The following SLC12A2 variants were observed in gnomAD, a reference collection of about 807,000 sequenced individuals.
SLC12A2 encodes solute carrier family 12 member 2, also known as Na-K-2Cl cotransporter 1.
A neutral mutation model predicts 136.3 loss-of-function variants in SLC12A2; 67 were observed. The ratio of observed to expected loss-of-function variants is 0.49; its 90% CI spans 0.40 to 0.60. SLC12A2 has a LOEUF of 0.60. Among genes scored for constraint, SLC12A2 ranks in the 20% least tolerant of loss-of-function variants. The pLI is 0.00. For synonymous variants in SLC12A2, 619 were observed against 562.9 expected, an observed-to-expected ratio of 1.10 and a Z score of -1.41; for missense variants, 1,322 against 1,534.7, an observed-to-expected ratio of 0.86 and a Z score of 2.32.
At position 128,187,105 on chromosome 5, in the gene SLC12A2, A is replaced by G. The variant is rs992428067; in HGVS notation, c.*474A>G. 3 of 156,934 alleles carry G rather than the reference A, an allele frequency of 1.9e-5. No individual in the cohort carries two copies. The highest frequency in any genetic ancestry group is 4.8e-5 in the African/African-American group (2 of 41,454). 9.7% of individuals were successfully genotyped at this position (156,934 alleles called of 1,614,324 possible). A position where few individuals can be genotyped will look rare whatever the true frequency, so the allele number is the denominator to read the frequency against. The stretch of plus-strand genomic sequence containing the variant: ...CACTGCTTGTCTTCTTCCATTGACC[A>G]TTTAGTGTTGAGTACTGTATGTGTT... On this transcript the variant is annotated 3_prime_UTR_variant, in exon 27 of 27. Coordinates refer to ENST00000262461, the MANE Select transcript of SLC12A2 (RefSeq NM_001046.3).
At chr5:128,105,790 A>G (rs1050109657) in intron 1 of SLC12A2, among the ~76,000 whole-genome samples, 7 of 152,136 alleles carry the variant, frequency 4.6e-5, no homozygotes, top group Non-Finnish European at 1.0e-4. Flanking sequence ...TCTATTTTCT[A>G]CATACTCAGA....
intron 10 of SLC12A2, among the ~76,000 whole-genome samples, chr5:128,144,876 A>G (rs1025014954): frequency 6.6e-6 from 1 of 152,064 alleles, no homozygotes; most frequent in African/African-American, 2.4e-5. Flanking sequence ...TTTACCATTC[A>G]TTTTATTTAC....
intron 17 of SLC12A2, among the ~76,000 whole-genome samples, chr5:128,163,151 C>T (rs1481422861): frequency 6.6e-6 from 1 of 152,118 alleles, no homozygotes; most frequent in African/African-American, 2.4e-5. Flanking sequence ...GCAAAATGTC[C>T]TGCAAATTTG....
intron 4 of SLC12A2, among the ~76,000 whole-genome samples, chr5:128,124,889 A>T (rs2126686720): frequency 6.6e-6 from 1 of 152,284 alleles, no homozygotes; most frequent in East Asian, 1.9e-4. Flanking sequence ...GTAAGGGCCC[A>T]CCAAGTCACC....
At chr5:128,120,373 G>T (rs1201046072) in intron 4 of SLC12A2, among the ~76,000 whole-genome samples, 3 of 148,680 alleles carry the variant, frequency 2.0e-5, no homozygotes, top group East Asian at 4.0e-4. Context: ...ATACCCAAAG[G>T]ACTATAAATC....
rs568487428 is a variant in SLC12A2, at chr5:128,177,059, T to C, written c.2930-46T>C. On this transcript the variant is annotated intron_variant, in intron 20 of 26. Coordinates refer to ENST00000262461, the MANE Select transcript of SLC12A2 (RefSeq NM_001046.3). The stretch of plus-strand genomic sequence containing the variant: ...GATTACATTTTTATTATTTTATTAA[T>C]ATAAAGGCAATTAACATATTTTTGT... 6.7e-6 allele frequency: 8 copies of C among 1,195,982 alleles called. No homozygotes were observed. The African/African-American group carries it at 9.5e-5, about 14-fold the overall frequency. 74.1% of individuals were successfully genotyped at this position (1,195,982 alleles called of 1,614,324 possible).
At chr5:128,171,546 A>G in intron 18 of SLC12A2, 121 bp from the exon 19 acceptor site, 1 of 666,746 alleles carries the variant, frequency 1.5e-6, no homozygotes, top group Non-Finnish European at 2.6e-6. Context: ...ATGTTTTAAA[A>G]ATCAGACGTT....
At position 128,135,820 on chromosome 5, in the gene SLC12A2, AG is replaced by A; in HGVS notation, c.1408+13del. 1 of 1,422,884 alleles carries A rather than the reference AG, an allele frequency of 7.0e-7. No homozygotes were observed. The highest frequency in any genetic ancestry group is 9.9e-7 in the Non-Finnish European group (1 of 1,011,448). 88.1% of individuals were successfully genotyped at this position (1,422,884 alleles called of 1,614,324 possible). On this transcript the variant is annotated intron_variant, in intron 7 of 26. Transcript: ENST00000262461. ...TTTTGGTTATAAATGTAAGTAAAAA[AG>A]ATTCAATATTTTTTAAGGGTACCTA...
chr5:128,084,749 G>C lies in SLC12A2; in HGVS notation c.756+39G>C. 6.6e-7 allele frequency: 1 copy of C among 1,505,218 alleles called. No individual in the cohort carries two copies. The highest frequency in any genetic ancestry group is 1.4e-5 in the African/African-American group (1 of 72,270). The allele number at this position is 1,505,218 out of a possible 1,614,324, so 93.2% of individuals were successfully genotyped here. A position where few individuals can be genotyped will look rare whatever the true frequency, so the allele number is the denominator to read the frequency against. On this transcript the variant is annotated intron_variant, in intron 1 of 26. Transcript: ENST00000262461. This position sits in a 1 kb window ranked among gnomAD's most constrained non-coding sequence, Gnocchi z 5.6. Reference sequence around the variant, plus strand: ...GCCCTCCCTTCTTCCCCAGCCCCTGGTGCATGCCGACCGCGGGATGTGGCT... The same window carrying C: ...GCCCTCCCTTCTTCCCCAGCCCCTGCTGCATGCCGACCGCGGGATGTGGCT...
At chr5:128,099,732 A>G (rs1437404115) in intron 1 of SLC12A2, among the ~76,000 whole-genome samples, 1 of 152,128 alleles carries the variant, frequency 6.6e-6, no homozygotes, top group African/African-American at 2.4e-5. Flanking sequence ...TTAAAAAGGA[A>G]GACACAAGCA....
intron 4 of SLC12A2, among the ~76,000 whole-genome samples, chr5:128,129,460 T>G (rs1761936688): frequency 6.6e-6 from 1 of 151,350 alleles, no homozygotes. Context: ...AGGCTAATGT[T>G]AAATGGTTAG....
intron 22 of SLC12A2, among the ~76,000 whole-genome samples, chr5:128,179,740 A>C (rs1012686012): frequency 2.0e-5 from 3 of 152,028 alleles, no homozygotes; most frequent in African/African-American, 7.2e-5. Context: ...ACTGACCCCC[A>C]TGATCCAAAC....
At chr5:128,088,691 T>G (rs1760195853) in intron 1 of SLC12A2, among the ~76,000 whole-genome samples, 1 of 152,230 alleles carries the variant, frequency 6.6e-6, no homozygotes, top group Non-Finnish European at 1.5e-5. Context: ...AGGAGCCTTT[T>G]GCTGGTGGTA....
intron 1 of SLC12A2, among the ~76,000 whole-genome samples, chr5:128,097,876 T>A (rs1453342527): frequency 3.3e-5 from 5 of 152,154 alleles, no homozygotes; most frequent in Non-Finnish European, 5.9e-5. Flanking sequence ...GGAGGTCAGT[T>A]GGCAACAAGT....
In SLC12A2 at chr5:128,130,428, T is replaced by C. The variant is rs1211151171; in HGVS notation, c.1049-639T>C. On this transcript the variant is annotated intron_variant, in intron 4 of 26. Transcript: ENST00000262461. ...TACTCAGGAGGCTGAGGCAGGAGAA[T>C]CACATGAACCCAGCAGGTGGAGGCT... Among the ~76,000 whole-genome samples the C allele has an allele frequency of 3.4e-5, 5 of 145,908 alleles. No individual in the cohort carries two copies. The East Asian group carries it at 1.0e-3, about 30-fold the overall frequency.
chr5:128,166,559 A>G (rs1763210829), intron 17 of SLC12A2, among the ~76,000 whole-genome samples: 2 of 152,074 alleles, frequency 1.3e-5, no homozygotes, highest in Non-Finnish European at 1.5e-5. Flanking sequence ...AACCTTGAAG[A>G]CATTATGTCA....
At chr5:128,147,601 T>C (rs777517873) in intron 10 of SLC12A2, 21 bp from the exon 11 acceptor site, 11 of 1,480,002 alleles carry the variant, frequency 7.4e-6, no homozygotes, top group Non-Finnish European at 1.0e-5. Context: ...TATTTTTCCA[T>C]TTTTGTCACT....
chr5:128,152,463 A>C (rs889337939), intron 14 of SLC12A2, among the ~76,000 whole-genome samples: 2 of 152,210 alleles, frequency 1.3e-5, no homozygotes, highest in Admixed American at 6.5e-5. Flanking sequence ...TTGTATGCAC[A>C]GCATGTCTGC....
chr5:128,140,757 G>A (rs1279260964), intron 9 of SLC12A2, among the ~76,000 whole-genome samples: 3 of 151,836 alleles, frequency 2.0e-5, no homozygotes, highest in Admixed American at 2.0e-4. Flanking sequence ...TGAAAGTATA[G>A]TTACTTTAGG....
Sources: allele counts gnomAD v4.1 joint callset (sites outside exome capture counted in the v4.1 genomes callset), GRCh38; gene constraint gnomAD v4.1.1; non-coding constraint Gnocchi (gnomAD v3.1); transcripts MANE v1.5; gene names NCBI Gene and HGNC (gene_info 2026-07-23, HGNC 2026-07-21).